The following GRIP1 variants were observed in gnomAD, a reference collection of about 807,000 sequenced individuals.
The protein encoded by GRIP1 is glutamate receptor-interacting protein 1.
GRIP1 carries 45 observed loss-of-function variants against 129.9 expected under a neutral mutation model. That is an observed-to-expected ratio of 0.35 (90% CI 0.27 to 0.44). The LOEUF is 0.44. Ranked by LOEUF, GRIP1 falls within the 20% of genes least tolerant of loss-of-function variation. The probability of loss-of-function intolerance (pLI) is 1.00; values close to 1 mark genes in which losing one functional copy is unlikely to be tolerated. For missense variants in GRIP1, 1,196 were observed against 1,396.8 expected (o/e 0.86, Z 2.29); for synonymous variants, 530 against 520.8 (o/e 1.02, Z -0.24).
At chr12:66,408,761 C>T (rs907187582) in intron 15 of GRIP1, among the ~76,000 whole-genome samples, 3 of 152,164 alleles carry the variant, frequency 2.0e-5, no homozygotes, top group Admixed American at 6.5e-5. Flanking sequence ...AGCTCTTGGA[C>T]GTTTGTGGAC....
intron 13 of GRIP1, among the ~76,000 whole-genome samples, chr12:66,440,154 TTC>T (rs2138056155): frequency 6.6e-6 from 1 of 152,330 alleles, no homozygotes; most frequent in East Asian, 1.9e-4. Flanking sequence ...TCCTTTTCTT[TTC>T]TTTTTTAAAA....
intron 2 of GRIP1, among the ~76,000 whole-genome samples, chr12:66,555,697 T>G (rs796098730): frequency 6.6e-6 from 1 of 151,996 alleles, no homozygotes; most frequent in South Asian, 2.1e-4. Flanking sequence ...CAGAATCCTA[T>G]CAGATAAATT....
intron 2 of GRIP1, among the ~76,000 whole-genome samples, chr12:66,547,683 C>T (rs1282079538): frequency 6.6e-6 from 1 of 152,198 alleles, no homozygotes; most frequent in African/African-American, 2.4e-5. Context: ...AAAGATTTCA[C>T]ATTGTGTGAT....
intron 19 of GRIP1, among the ~76,000 whole-genome samples, chr12:66,387,088 G>C (rs1234642463): frequency 6.6e-6 from 1 of 152,170 alleles, no homozygotes; most frequent in Non-Finnish European, 1.5e-5. Flanking sequence ...GTAAGAAGTG[G>C]AGAGAAGACA....
At chr12:67,012,949 T>C (rs754258847) in intron 1 of GRIP1, among the ~76,000 whole-genome samples, 22 of 152,208 alleles carry the variant, frequency 1.4e-4, no homozygotes, top group Non-Finnish European at 2.9e-5. Context: ...GCTGAATAAA[T>C]ATAACAGCTT....
At chr12:67,039,172 A>T (rs1237385609) in intron 1 of GRIP1, among the ~76,000 whole-genome samples, 2 of 152,176 alleles carry the variant, frequency 1.3e-5, no homozygotes, top group Non-Finnish European at 2.9e-5. Flanking sequence ...GGTCAGGTGG[A>T]ATATTATATT....
At chr12:66,588,842 G>A (rs34827947) in intron 2 of GRIP1, among the ~76,000 whole-genome samples, 32 of 146,854 alleles carry the variant, frequency 2.2e-4, no homozygotes, top group African/African-American at 7.5e-4. Context: ...GGTGGTGTAC[G>A]TCTGTAATCC....
intron 1 of GRIP1, among the ~76,000 whole-genome samples, chr12:66,910,210 T>C (rs1405990321): frequency 2.0e-5 from 3 of 152,220 alleles, no homozygotes; most frequent in Non-Finnish European, 2.9e-5. Flanking sequence ...TCTGTCTTTC[T>C]GGCCAGTTTA....
At chr12:66,807,640 C>T (rs146055227), upstream of GRIP1, among the ~76,000 whole-genome samples, 158 of 152,132 alleles carry the variant, frequency 1.0e-3, 1 homozygote, top group East Asian at 6.2e-3. Context: ...CGCCACTGCA[C>T]TCCAGCCTGG....
chr12:66,773,517 C>T (rs4328278), intron 1 of GRIP1, among the ~76,000 whole-genome samples: 133,539 of 151,988 alleles, frequency 0.88, 58,760 homozygotes, highest in Middle Eastern at 0.96. Context: ...TGAGAACACA[C>T]GGACATAGGG....
chr12:66,704,663 T>C (rs1398122753), intron 1 of GRIP1, among the ~76,000 whole-genome samples: 2 of 152,144 alleles, frequency 1.3e-5, no homozygotes, highest in Non-Finnish European at 2.9e-5. Context: ...AGAGTATCAC[T>C]TTCCCAGAGA....
At chr12:66,509,795 C>G (rs906649443) in intron 7 of GRIP1, among the ~76,000 whole-genome samples, 1 of 151,928 alleles carries the variant, frequency 6.6e-6, no homozygotes, top group African/African-American at 2.4e-5. Context: ...TGGGGCCTGT[C>G]ACGGGGGCAG....
intron 1 of GRIP1, among the ~76,000 whole-genome samples, chr12:66,856,014 T>C (rs191020849): frequency 7.5e-4 from 114 of 152,100 alleles, no homozygotes; most frequent in Non-Finnish European, 1.4e-3. Context: ...ATCTCAGTGA[T>C]TGTGAGCCCA....
At chr12:66,497,307 G>A (rs946175234) in intron 7 of GRIP1, among the ~76,000 whole-genome samples, 7 of 152,176 alleles carry the variant, frequency 4.6e-5, no homozygotes, top group African/African-American at 1.7e-4. Flanking sequence ...AATCTAGATA[G>A]GATGTTATGG....
chr12:66,418,884 G>T (rs2057704172), intron 15 of GRIP1, among the ~76,000 whole-genome samples: 1 of 152,124 alleles, frequency 6.6e-6, no homozygotes, highest in Admixed American at 6.5e-5. Flanking sequence ...AACAGCTGGA[G>T]GTTTCTCAAA....
chr12:66,637,574 GT>G (rs34630743), intron 1 of GRIP1, among the ~76,000 whole-genome samples: 29,447 of 150,856 alleles, frequency 0.2, 2,991 homozygotes, highest in Non-Finnish European at 0.23. Context: ...ATTTTTGTAT[GT>G]TTTTTTTTAA....
At chr12:66,977,767 T>C (rs1166206318) in intron 1 of GRIP1, among the ~76,000 whole-genome samples, 2 of 150,550 alleles carry the variant, frequency 1.3e-5, no homozygotes, top group Non-Finnish European at 3.0e-5. Flanking sequence ...CACTAAAGAA[T>C]GTCTTCTTTT....
At chr12:66,855,124 C>A (rs918671128) in intron 1 of GRIP1, among the ~76,000 whole-genome samples, 3 of 151,876 alleles carry the variant, frequency 2.0e-5, no homozygotes, top group Admixed American at 1.3e-4. Context: ...ATGTCTCAAA[C>A]TACATTACCA....
chr12:66,556,264 G>A (rs12367359), intron 2 of GRIP1, among the ~76,000 whole-genome samples: 22,245 of 151,956 alleles, frequency 0.15, 1,738 homozygotes, highest in Non-Finnish European at 0.16. Flanking sequence ...CCAGGAGAGC[G>A]TGGCATTACA....
Sources: allele counts gnomAD v4.1 joint callset (sites outside exome capture counted in the v4.1 genomes callset), GRCh38; gene constraint gnomAD v4.1.1; transcripts MANE v1.5; gene names NCBI Gene and HGNC (gene_info 2026-07-23, HGNC 2026-07-21).